The following ZNRF3 variants were observed in gnomAD, a reference collection of about 807,000 sequenced individuals.
ZNRF3 encodes the protein E3 ubiquitin-protein ligase ZNRF3.
Under a neutral mutation model 72.5 loss-of-function variants are expected in ZNRF3, and 23 were observed. The observed-to-expected ratio is 0.32, with a 90% CI of 0.23 to 0.45. ZNRF3 has a LOEUF of 0.45. Ranked by LOEUF, ZNRF3 falls within the 20% of genes least tolerant of loss-of-function variation. ZNRF3 has a pLI of 1.00. For synonymous variants in ZNRF3, 610 were observed against 545.3 expected (o/e 1.12, Z -1.65); for missense variants, 1,169 against 1,272.1 (o/e 0.92, Z 1.23).
chr22:28,986,926 A>G (rs2035864891), intron 1 of ZNRF3, 150 bp from the exon 2 acceptor site: 2 of 1,046,222 alleles, frequency 1.9e-6, no homozygotes, highest in Non-Finnish European at 2.7e-6. Context: ...GTGCTGAAAT[A>G]AAATTCCCCT....
chr22:28,948,275 C>A (rs2035090945), intron 1 of ZNRF3, among the ~76,000 whole-genome samples: 1 of 152,210 alleles, frequency 6.6e-6, no homozygotes, highest in African/African-American at 2.4e-5. Flanking sequence ...AGTGATCCTG[C>A]TGCCTTAGCC....
intron 2 of ZNRF3, among the ~76,000 whole-genome samples, 196 bp from the exon 3 acceptor site, chr22:29,042,299 T>C (rs2036978100): frequency 6.6e-6 from 1 of 152,230 alleles, no homozygotes; most frequent in Non-Finnish European, 1.5e-5. Flanking sequence ...CTATATGTTA[T>C]TGTTAACTCT....
intron 1 of ZNRF3, among the ~76,000 whole-genome samples, chr22:28,950,518 C>T (rs1416178206): frequency 6.6e-6 from 1 of 152,188 alleles, no homozygotes; most frequent in Non-Finnish European, 1.5e-5. Context: ...AAATAAACTG[C>T]TTCCTCATTT....
At chr22:28,981,813 A>C (rs1009733342) in intron 1 of ZNRF3, among the ~76,000 whole-genome samples, 4 of 152,172 alleles carry the variant, frequency 2.6e-5, no homozygotes, top group Admixed American at 2.6e-4. Context: ...CCTGGCCAAC[A>C]TGGTGAAACC....
At chr22:28,979,885 G>T (rs988144811) in intron 1 of ZNRF3, among the ~76,000 whole-genome samples, 3 of 152,210 alleles carry the variant, frequency 2.0e-5, no homozygotes, top group South Asian at 2.1e-4. Flanking sequence ...AAGCATTTGA[G>T]AATCAAAAAG....
chr22:28,982,490 T>C (rs1041036803), intron 1 of ZNRF3, among the ~76,000 whole-genome samples: 1 of 145,248 alleles, frequency 6.9e-6, no homozygotes, highest in Non-Finnish European at 1.5e-5. Context: ...TGCTTGAGCC[T>C]AGGGGGTCGA....
chr22:29,007,620 C>A (rs1031079021), intron 2 of ZNRF3, among the ~76,000 whole-genome samples: 1 of 151,998 alleles, frequency 6.6e-6, no homozygotes, highest in African/African-American at 2.4e-5. Flanking sequence ...GGTGACAAGA[C>A]CTCATCTCTA....
At chr22:28,979,097 A>G (rs543517616) in intron 1 of ZNRF3, among the ~76,000 whole-genome samples, 91 of 152,192 alleles carry the variant, frequency 6.0e-4, no homozygotes, top group African/African-American at 2.1e-3. Flanking sequence ...GTAATGAGTC[A>G]TATTTTTGTT....
intron 2 of ZNRF3, among the ~76,000 whole-genome samples, chr22:29,036,812 A>AG (rs1293453830): frequency 6.6e-6 from 1 of 152,226 alleles, no homozygotes; most frequent in African/African-American, 2.4e-5. Context: ...TATAGTGTGT[A>AG]GGAAAAAAAA....
At chr22:28,973,091 G>A (rs921579334) in intron 1 of ZNRF3, among the ~76,000 whole-genome samples, 4 of 152,072 alleles carry the variant, frequency 2.6e-5, no homozygotes, top group Non-Finnish European at 4.4e-5. Flanking sequence ...CAATCTTCCT[G>A]CCTCAGCCTC....
intron 2 of ZNRF3, among the ~76,000 whole-genome samples, chr22:29,012,250 G>A (rs1484707544): frequency 3.3e-5 from 5 of 152,232 alleles, no homozygotes; most frequent in African/African-American, 1.2e-4. Context: ...CCAATTGAAT[G>A]GGTGTGGAGC....
At chr22:29,037,133 A>G (rs914318660) in intron 2 of ZNRF3, among the ~76,000 whole-genome samples, 1 of 152,220 alleles carries the variant, frequency 6.6e-6, no homozygotes, top group African/African-American at 2.4e-5. Context: ...CACTAGGGAT[A>G]CCACATCCAA....
intron 2 of ZNRF3, among the ~76,000 whole-genome samples, chr22:29,027,305 A>G (rs8142591): frequency 0.46 from 69,518 of 151,464 alleles, 16,294 homozygotes; most frequent in Non-Finnish European, 0.5. Context: ...CTGGAGTGCA[A>G]TGGCGCGATC....
intron 1 of ZNRF3, among the ~76,000 whole-genome samples, chr22:28,914,237 G>A (rs918630184): frequency 6.6e-5 from 10 of 152,138 alleles, no homozygotes; most frequent in Admixed American, 2.6e-4. Flanking sequence ...CTTGAGCTTG[G>A]CTATCTGGTT....
chr22:29,002,219 G>A (rs2036160724), intron 2 of ZNRF3, among the ~76,000 whole-genome samples: 1 of 152,200 alleles, frequency 6.6e-6, no homozygotes, highest in South Asian at 2.1e-4. Context: ...GAGAGCCACT[G>A]CCAAATCTCC....
At chr22:29,013,333 C>T (rs1434317889) in intron 2 of ZNRF3, among the ~76,000 whole-genome samples, 1 of 152,182 alleles carries the variant, frequency 6.6e-6, no homozygotes, top group Admixed American at 6.5e-5. Flanking sequence ...ATGCTAGTAA[C>T]TTCCCCTGTT....
Position 28,883,892 on chromosome 22 carries a change from G to T in ZNRF3, c.126G>T (p.Gly42=), listed in dbSNP as rs1229239204. 1.3e-5 allele frequency: 14 copies of T among 1,103,926 alleles called. No individual in the cohort carries two copies. The highest frequency in any genetic ancestry group is 1.6e-5 in the Non-Finnish European group (14 of 899,242). 68.4% of individuals were successfully genotyped at this position (1,103,926 alleles called of 1,614,324 possible). Reference sequence around the variant, plus strand: ...CGCCGCCGCTGCCGCTGCTGCTCGGGCTGCTGCTGGCGGCCGCGGGGCCCG... The same window carrying T: ...CGCCGCCGCTGCCGCTGCTGCTCGGTCTGCTGCTGGCGGCCGCGGGGCCCG... The part of the protein sequence containing the change: ...PPPPPLPLLL[G]LLLAAAGPGA... Residue 42 remains glycine (G), a synonymous_variant, in exon 1 of 9, where the codon GGG becomes GGT. Transcript: ENST00000544604. The surrounding 1 kb of genome is among the most constrained non-coding windows in gnomAD (Gnocchi z 5.5).
At chr22:29,019,273 AT>A (rs1486240070) in intron 2 of ZNRF3, among the ~76,000 whole-genome samples, 1 of 152,124 alleles carries the variant, frequency 6.6e-6, no homozygotes, top group Non-Finnish European at 1.5e-5. Context: ...CAATTTCTTG[AT>A]GGGAGGAATC....
chr22:28,911,960 A>C (rs377555420), intron 1 of ZNRF3, among the ~76,000 whole-genome samples: 1 of 152,238 alleles, frequency 6.6e-6, no homozygotes, highest in Admixed American at 6.5e-5. Flanking sequence ...AAATCCAGCC[A>C]GTGAGCCAAA....
Sources: allele counts gnomAD v4.1 joint callset (sites outside exome capture counted in the v4.1 genomes callset), GRCh38; gene constraint gnomAD v4.1.1; non-coding constraint Gnocchi (gnomAD v3.1); transcripts MANE v1.5; gene names NCBI Gene and HGNC (gene_info 2026-07-23, HGNC 2026-07-21).